The following RHBDD1 variants were observed in gnomAD, a reference collection of about 807,000 sequenced individuals.
The protein encoded by RHBDD1 is rhomboid-related protein 4.
Under a neutral mutation model 36.3 loss-of-function variants are expected in RHBDD1, and 38 were observed. The ratio of observed to expected loss-of-function variants is 1.05; its 90% CI spans 0.81 to 1.37. RHBDD1 has a LOEUF of 1.37. RHBDD1 is among the 40% of genes most tolerant of loss of function. The pLI is 0.00. For synonymous variants in RHBDD1, 151 were observed against 136.5 expected (o/e 1.11, Z -0.74); for missense variants, 393 against 377.6 (o/e 1.04, Z -0.34).
chr2:226,811,754 G>T, the RHBDD1 span, among the ~76,000 whole-genome samples: 2 of 152,226 alleles, frequency 1.3e-5, no homozygotes, highest in African/African-American at 4.8e-5. Context: ...TCTATCTAAT[G>T]ACAGATGAGA....
chr2:226,989,590 G>A (rs758566751), intron 8 of RHBDD1, among the ~76,000 whole-genome samples: 26 of 152,168 alleles, frequency 1.7e-4, no homozygotes, highest in Non-Finnish European at 3.5e-4. Flanking sequence ...AATATTCTTT[G>A]TCTCTTTGAC....
chr2:226,982,840 G>C (rs1956085941), intron 8 of RHBDD1, among the ~76,000 whole-genome samples: 1 of 152,210 alleles, frequency 6.6e-6, no homozygotes, highest in Non-Finnish European at 1.5e-5. Context: ...CTTGTTCCTA[G>C]GACTGGGTGA....
intron 3 of RHBDD1, among the ~76,000 whole-genome samples, chr2:226,861,644 G>A (rs1183535026): frequency 2.0e-5 from 3 of 152,204 alleles, no homozygotes; most frequent in Non-Finnish European, 4.4e-5. Context: ...ATTATTTACT[G>A]ATCAATGATC....
At chr2:226,903,874 G>T (rs563926372) in intron 5 of RHBDD1, among the ~76,000 whole-genome samples, 1 of 152,146 alleles carries the variant, frequency 6.6e-6, no homozygotes, top group African/African-American at 2.4e-5. Flanking sequence ...ATAGCAGAAC[G>T]GCGCAACAGA....
chr2:226,969,821 A>G (rs1436356031), intron 8 of RHBDD1, among the ~76,000 whole-genome samples: 2 of 152,122 alleles, frequency 1.3e-5, no homozygotes, highest in African/African-American at 2.4e-5. Context: ...CATTCTTCAT[A>G]ATGCTAAATT....
intron 5 of RHBDD1, among the ~76,000 whole-genome samples, chr2:226,886,260 A>G (rs905011170): frequency 6.6e-6 from 1 of 152,116 alleles, no homozygotes; most frequent in Non-Finnish European, 1.5e-5. Context: ...GGTACATTGT[A>G]GTTACTCAAT....
the RHBDD1 span, among the ~76,000 whole-genome samples, chr2:226,800,937 T>A: frequency 1.3e-5 from 2 of 152,142 alleles, no homozygotes; most frequent in Non-Finnish European, 2.9e-5. Context: ...GCGGTATCAG[T>A]CTCCCCACAA....
At chr2:226,816,819 C>A in the RHBDD1 span, among the ~76,000 whole-genome samples, 1 of 152,092 alleles carries the variant, frequency 6.6e-6, no homozygotes, top group Non-Finnish European at 1.5e-5. Flanking sequence ...TCATTCGAGT[C>A]CAGGAGGCAA....
chr2:226,876,740 A>G (rs115697675), intron 5 of RHBDD1, among the ~76,000 whole-genome samples: 1,544 of 152,314 alleles, frequency 0.01, 23 homozygotes, highest in South Asian at 0.043. Flanking sequence ...GGTTATAGCT[A>G]TCAATATTTA....
At chr2:226,949,616 A>T (rs1951281196) in intron 8 of RHBDD1, among the ~76,000 whole-genome samples, 1 of 152,172 alleles carries the variant, frequency 6.6e-6, no homozygotes, top group Non-Finnish European at 1.5e-5. Flanking sequence ...TATTTGTATT[A>T]ATAATTTGAT....
Position 226,949,817 on chromosome 2 carries a change from C to A in RHBDD1, c.856+35466C>A, listed in dbSNP as rs140368996. ...CCTTTCCCCCGTGTCCTCCCATGCT[C>A]TTTCCTCTGTGCACGTGTCCTTGGT... On this transcript the variant is annotated intron_variant, in intron 8 of 8. Coordinates refer to ENST00000392062, the MANE Select transcript of RHBDD1 (RefSeq NM_001167608.3). Among the ~76,000 whole-genome samples the A allele has an allele frequency of 1.2e-3, 187 of 152,234 alleles. 1 individual carries two copies. Among genetic ancestry groups the A allele is most frequent in the African/African-American group, 4.3e-3 (177 of 41,536 alleles).
chr2:226,928,960 T>C (rs1470755526), intron 8 of RHBDD1, among the ~76,000 whole-genome samples: 1 of 151,868 alleles, frequency 6.6e-6, no homozygotes, highest in Non-Finnish European at 1.5e-5. Flanking sequence ...CAGCAAGAAA[T>C]AGAAATCCTG....
At chr2:226,885,742 G>A (rs983947134) in intron 5 of RHBDD1, among the ~76,000 whole-genome samples, 1 of 152,084 alleles carries the variant, frequency 6.6e-6, no homozygotes, top group African/African-American at 2.4e-5. Context: ...CATTTATAGT[G>A]GAAAAATTTA....
At chr2:226,856,507 G>A (rs1426438011) in intron 3 of RHBDD1, among the ~76,000 whole-genome samples, 3 of 152,182 alleles carry the variant, frequency 2.0e-5, no homozygotes, top group African/African-American at 7.2e-5. Flanking sequence ...GGACTAAAAT[G>A]TTCTCATCCA....
At chr2:226,993,836 T>G (rs986712540) in intron 8 of RHBDD1, among the ~76,000 whole-genome samples, 51 of 152,218 alleles carry the variant, frequency 3.4e-4, no homozygotes, top group African/African-American at 1.2e-3. Context: ...TCCCACTGCT[T>G]TCTCTAACAT....
At chr2:226,865,439 G>T (rs1367530236) in intron 4 of RHBDD1, among the ~76,000 whole-genome samples, 1 of 152,210 alleles carries the variant, frequency 6.6e-6, no homozygotes, top group Non-Finnish European at 1.5e-5. Flanking sequence ...GTAATAGGGA[G>T]TTCTCAAAAA....
intron 8 of RHBDD1, among the ~76,000 whole-genome samples, chr2:226,952,984 A>G (rs377344827): frequency 1.3e-5 from 2 of 152,148 alleles, no homozygotes; most frequent in Admixed American, 1.3e-4. Flanking sequence ...TGGTTTCCTT[A>G]TTTGTCTCCA....
At chr2:226,924,412 C>T (rs960275608) in intron 8 of RHBDD1, among the ~76,000 whole-genome samples, 5 of 152,190 alleles carry the variant, frequency 3.3e-5, no homozygotes, top group African/African-American at 1.2e-4. Flanking sequence ...CTTTACTCTT[C>T]CGTTTTCTCT....
intron 8 of RHBDD1, among the ~76,000 whole-genome samples, chr2:226,933,043 G>A (rs1021473633): frequency 6.6e-6 from 1 of 152,076 alleles, no homozygotes; most frequent in Admixed American, 6.6e-5. Flanking sequence ...CAGGGTGGCA[G>A]GACAGAGTAA....
Sources: allele counts gnomAD v4.1 joint callset (sites outside exome capture counted in the v4.1 genomes callset), GRCh38; gene constraint gnomAD v4.1.1; transcripts MANE v1.5; gene names NCBI Gene and HGNC (gene_info 2026-07-23, HGNC 2026-07-21).